CDC73: variants seen among roughly 807,000 people sequenced by gnomAD.
CDC73 encodes the protein cell division cycle 73.
Under a neutral mutation model 83.7 loss-of-function variants are expected in CDC73, and 21 were observed. That is an observed-to-expected ratio of 0.25 (90% confidence interval 0.18 to 0.36). CDC73 has a LOEUF of 0.36. Among genes scored for constraint, CDC73 ranks in the 10% least tolerant of loss-of-function variants. The pLI, the probability that CDC73 is intolerant of heterozygous loss-of-function variation, is 1.00. For synonymous variants in CDC73, 224 were observed against 212.9 expected, an observed-to-expected ratio of 1.05 and a Z score of -0.45; for missense variants, 342 against 653.3, an observed-to-expected ratio of 0.52 and a Z score of 5.19.
At chr1:193,247,422 AGACACAGCAGTATTGAAAT>A (rs2102071282) in intron 15 of CDC73, among the ~76,000 whole-genome samples, 1 of 151,996 alleles carries the variant, frequency 6.6e-6, no homozygotes, top group East Asian at 1.9e-4. Context: ...CTTTTTCCTG[AGACACAGCAGTATTGAAAT>A]TAAGCCTATT....
chr1:193,136,097 T>C (rs1454672612), intron 5 of CDC73, among the ~76,000 whole-genome samples: 1 of 152,130 alleles, frequency 6.6e-6, no homozygotes, highest in Non-Finnish European at 1.5e-5. Flanking sequence ...CAGAATTCTT[T>C]CTTTATGAAA....
At chr1:193,215,077 A>G (rs1444807867) in intron 13 of CDC73, among the ~76,000 whole-genome samples, 3 of 152,234 alleles carry the variant, frequency 2.0e-5, no homozygotes, top group Non-Finnish European at 4.4e-5. Flanking sequence ...CTCAGTTTCA[A>G]TGCCTTATTC....
rs564726032 is a variant in CDC73 at position 193,122,218 on chromosome 1, C to T, written c.18C>T (p.Ser6=). The T allele has an allele frequency of 6.2e-7, 1 of 1,614,126 alleles. No individual in the cohort carries two copies. The highest frequency in any genetic ancestry group is 8.5e-7 in the Non-Finnish European group (1 of 1,179,994). ...GGGGGAAGATGGCGGACGTGCTTAGCGTCCTGCGACAGTACAACATCCAGA... is the reference window on the plus strand; with the variant it reads ...GGGGGAAGATGGCGGACGTGCTTAGTGTCCTGCGACAGTACAACATCCAGA... MADVL[S]VLRQYNIQKK... The change falls in exon 1 of 17, where the codon AGC becomes AGT. Residue 6 remains serine (S), a synonymous_variant. Transcript: ENST00000367435.
chr1:193,179,285 T>G (rs1676669282), intron 10 of CDC73: 1 of 152,218 alleles, frequency 6.6e-6, no homozygotes, highest in Non-Finnish European at 1.5e-5. Flanking sequence ...TGTGTACACC[T>G]GCTGTCAGGA....
chr1:193,218,560 A>G (rs1677409343), intron 13 of CDC73, among the ~76,000 whole-genome samples: 1 of 152,178 alleles, frequency 6.6e-6, no homozygotes, highest in South Asian at 2.1e-4. Context: ...TGGTACAAAA[A>G]CAGGCACACA....
At position 193,152,363 on chromosome 1, in the gene CDC73, C is replaced by G; in HGVS notation, c.908-17C>G. The G allele has an allele frequency of 6.4e-7, 1 of 1,567,298 alleles. No homozygotes were observed. Among genetic ancestry groups the G allele is most frequent in the South Asian group, 1.1e-5 (1 of 90,022 alleles). On this transcript the variant is annotated splice_polypyrimidine_tract_variant and intron_variant, in intron 9 of 16. Coordinates refer to ENST00000367435, the MANE Select transcript of CDC73 (RefSeq NM_024529.5). Reference sequence around the variant, plus strand: ...TGATCTATAAAATCTTAACAATAAGCCTCTTTTTTTTCGTAGAAACGGAAG... The same window carrying G: ...TGATCTATAAAATCTTAACAATAAGGCTCTTTTTTTTCGTAGAAACGGAAG...
intron 10 of CDC73, among the ~76,000 whole-genome samples, chr1:193,159,757 A>G (rs754233493): frequency 1.4e-4 from 21 of 152,206 alleles, no homozygotes; most frequent in Admixed American, 7.2e-4. Flanking sequence ...TAAACGTTTT[A>G]TACTGAATAA....
chr1:193,217,319 C>G (rs1677385446), intron 13 of CDC73, among the ~76,000 whole-genome samples: 1 of 152,120 alleles, frequency 6.6e-6, no homozygotes, highest in African/African-American at 2.4e-5. Flanking sequence ...AGACCCTCTA[C>G]CTTATCACAA....
intron 7 of CDC73, among the ~76,000 whole-genome samples, chr1:193,142,832 T>A (rs1375232856): frequency 6.6e-6 from 1 of 152,210 alleles, no homozygotes; most frequent in South Asian, 2.1e-4. Context: ...GATAAAAATC[T>A]GAAATACTGA....
chr1:193,245,784 T>G (rs181234054), intron 15 of CDC73, among the ~76,000 whole-genome samples: 2 of 152,246 alleles, frequency 1.3e-5, no homozygotes, highest in African/African-American at 4.8e-5. Flanking sequence ...CTCCACATCC[T>G]CTGGAGCATT....
chr1:193,125,066 T>A, intron 1 of CDC73, 46 bp from the exon 2 acceptor site: 1 of 944,664 alleles, frequency 1.1e-6, no homozygotes, highest in Non-Finnish European at 1.8e-6. Flanking sequence ...CCTGAAGAGT[T>A]GAATTAGAAT....
intron 6 of CDC73, among the ~76,000 whole-genome samples, chr1:193,139,117 T>C (rs974703003): frequency 1.8e-4 from 27 of 152,184 alleles, no homozygotes; most frequent in Non-Finnish European, 3.8e-4. Flanking sequence ...TACATTCTTC[T>C]CTTTTTTTGA....
intron 2 of CDC73, among the ~76,000 whole-genome samples, chr1:193,127,656 T>C (rs1337430241): frequency 6.6e-6 from 1 of 152,134 alleles, no homozygotes; most frequent in Admixed American, 6.5e-5. Context: ...TAATTGTTAC[T>C]GTGGACCTTG....
intron 13 of CDC73, among the ~76,000 whole-genome samples, chr1:193,231,114 A>G (rs1440723622): frequency 6.6e-6 from 1 of 152,192 alleles, no homozygotes; most frequent in Non-Finnish European, 1.5e-5. Context: ...GTATTGTAAT[A>G]GATCACTCAT....
At chr1:193,178,001 A>T (rs912318323) in intron 10 of CDC73, among the ~76,000 whole-genome samples, 16 of 152,196 alleles carry the variant, frequency 1.1e-4, no homozygotes, top group African/African-American at 3.9e-4. Context: ...CCAAAAGCAA[A>T]GCTGTCATTT....
At chr1:193,222,179 T>A (rs1677482643) in intron 13 of CDC73, among the ~76,000 whole-genome samples, 1 of 152,154 alleles carries the variant, frequency 6.6e-6, no homozygotes, top group Admixed American at 6.5e-5. Flanking sequence ...TTATTTAAAA[T>A]AAACGATTGG....
intron 10 of CDC73, among the ~76,000 whole-genome samples, chr1:193,192,960 A>C (rs1246853911): frequency 1.3e-5 from 2 of 152,214 alleles, no homozygotes; most frequent in Non-Finnish European, 2.9e-5. Flanking sequence ...TCAAGGTAAG[A>C]GAATTAGGCT....
chr1:193,197,459 A>T (rs1227173679), intron 10 of CDC73, among the ~76,000 whole-genome samples: 1 of 152,228 alleles, frequency 6.6e-6, no homozygotes, highest in Non-Finnish European at 1.5e-5. Flanking sequence ...ACACATATGC[A>T]TATTGCAAGT....
intron 14 of CDC73, among the ~76,000 whole-genome samples, chr1:193,234,856 G>C (rs1435224444): frequency 2.6e-5 from 4 of 151,816 alleles, no homozygotes; most frequent in African/African-American, 9.7e-5. Context: ...TCCCATGAAA[G>C]GGGAAATTTT....
Sources: allele counts gnomAD v4.1 joint callset (sites outside exome capture counted in the v4.1 genomes callset), GRCh38; gene constraint gnomAD v4.1.1; transcripts MANE v1.5; gene names NCBI Gene and HGNC (gene_info 2026-07-23, HGNC 2026-07-21).